STK33: variants seen among roughly 807,000 people sequenced by gnomAD.
The protein encoded by STK33 is serine/threonine-protein kinase 33.
A neutral mutation model predicts 58.0 loss-of-function variants in STK33; 52 were observed. The observed-to-expected ratio is 0.90, with a 90% CI of 0.72 to 1.13. The LOEUF (loss-of-function observed/expected upper bound fraction) is 1.13, where lower values mean the gene tolerates loss of function less well. Among genes scored for constraint, STK33 ranks in the 50% most tolerant of loss-of-function variants. The probability of loss-of-function intolerance (pLI) is 0.00; values close to 1 mark genes in which losing one functional copy is unlikely to be tolerated. For missense variants in STK33, 630 were observed against 604.2 expected, an observed-to-expected ratio of 1.04 and a Z score of -0.45; for synonymous variants, 215 against 200.1, an observed-to-expected ratio of 1.07 and a Z score of -0.63.
At chr11:8,518,361 C>T (rs1565250780) in intron 1 of STK33, among the ~76,000 whole-genome samples, 1 of 152,180 alleles carries the variant, frequency 6.6e-6, no homozygotes, top group Non-Finnish European at 1.5e-5. Flanking sequence ...TGGAAAGGAA[C>T]AACCGGTACC....
chr11:8,517,111 C>T lies in STK33; in HGVS notation c.-465-36497G>A, dbSNP rs569966770. On this transcript the variant is annotated intron_variant, in intron 1 of 15. Transcript: ENST00000687296. Reference sequence around the variant, plus strand: ...GGGGCCAACTGATACCTCATACAGCCGGGTGCCCCTCTGAGACAAAGCTTC... The same window carrying T: ...GGGGCCAACTGATACCTCATACAGCTGGGTGCCCCTCTGAGACAAAGCTTC... 2.6e-5 allele frequency among the ~76,000 whole-genome samples: 4 copies of T among 152,282 alleles called. No individual in the cohort carries two copies. In the East Asian group the frequency reaches 7.7e-4, roughly 29 times the overall value.
intron 1 of STK33, among the ~76,000 whole-genome samples, chr11:8,484,152 A>G (rs1431740663): frequency 6.6e-6 from 1 of 152,180 alleles, no homozygotes; most frequent in African/African-American, 2.4e-5. Context: ...CCAACACTCA[A>G]ATTCCTCCCT....
At chr11:8,514,802 T>C (rs896901123) in intron 1 of STK33, among the ~76,000 whole-genome samples, 3 of 152,178 alleles carry the variant, frequency 2.0e-5, no homozygotes, top group African/African-American at 7.2e-5. Flanking sequence ...AACAATTTAA[T>C]TTTTTTAAAA....
chr11:8,423,843 T>C (rs1271447742), intron 14 of STK33, among the ~76,000 whole-genome samples: 11 of 152,060 alleles, frequency 7.2e-5, no homozygotes, highest in Admixed American at 7.2e-4. Context: ...CCATGCAATG[T>C]TGTCAATTTT....
At chr11:8,385,490 T>G in the STK33 span, among the ~76,000 whole-genome samples, 1 of 152,194 alleles carries the variant, frequency 6.6e-6, no homozygotes, top group African/African-American at 2.4e-5. Context: ...CTTCCCACGG[T>G]TGGCTTCCTT....
At chr11:8,364,516 T>C in the STK33 span, among the ~76,000 whole-genome samples, 2 of 152,218 alleles carry the variant, frequency 1.3e-5, no homozygotes, top group East Asian at 3.8e-4. Context: ...ATGTATCTGC[T>C]ATTGATGGAG....
chr11:8,570,152 T>C (rs1001244028), intron 1 of STK33, among the ~76,000 whole-genome samples: 3 of 152,114 alleles, frequency 2.0e-5, no homozygotes, highest in South Asian at 2.1e-4. Context: ...GTTCAATTAA[T>C]AGATAAAATT....
intron 11 of STK33, among the ~76,000 whole-genome samples, chr11:8,443,651 T>C (rs1226737389): frequency 6.7e-6 from 1 of 150,234 alleles, no homozygotes; most frequent in African/African-American, 2.4e-5. Context: ...CTCCAATGCA[T>C]TTCATAGAAA....
At chr11:8,571,939 TAAATTA>T (rs1225375656) in intron 1 of STK33, among the ~76,000 whole-genome samples, 3 of 150,126 alleles carry the variant, frequency 2.0e-5, no homozygotes, top group East Asian at 1.9e-4. Flanking sequence ...TTAAAAAATT[TAAATTA>T]AAATTAAATT....
chr11:8,370,475 G>A, the STK33 span, among the ~76,000 whole-genome samples: 1 of 152,096 alleles, frequency 6.6e-6, no homozygotes, highest in Admixed American at 6.6e-5. Context: ...GAGATTACAG[G>A]CACGATCCAC....
At chr11:8,516,271 C>T (rs900640751) in intron 1 of STK33, among the ~76,000 whole-genome samples, 1 of 152,144 alleles carries the variant, frequency 6.6e-6, no homozygotes, top group African/African-American at 2.4e-5. Flanking sequence ...AGTCAACTGA[C>T]CTTCAACAAA....
At chr11:8,556,728 C>A (rs1565356906) in intron 1 of STK33, among the ~76,000 whole-genome samples, 1 of 152,150 alleles carries the variant, frequency 6.6e-6, no homozygotes, top group Non-Finnish European at 1.5e-5. Flanking sequence ...TAATTAAAGT[C>A]TATTTCCCCC....
At position 8,528,468 on chromosome 11, in the gene STK33, G is replaced by C. The variant is rs554558504; in HGVS notation, c.-465-47854C>G. ...CCACTGGTAACTGCTGCTAATCCAA[G>C]CATATACTCAGGGCAACTTCAATCT... On this transcript the variant is annotated intron_variant, in intron 1 of 15. Coordinates refer to ENST00000687296, the MANE Select transcript of STK33 (RefSeq NM_001352389.2). Among the ~76,000 whole-genome samples the C allele has an allele frequency of 1.7e-3, 258 of 152,164 alleles. 2 individuals are homozygous for C. The highest frequency in any genetic ancestry group is 3.1e-3 in the Non-Finnish European group (210 of 68,032).
the STK33 span, among the ~76,000 whole-genome samples, chr11:8,371,288 C>T: frequency 1.4e-4 from 22 of 152,032 alleles, no homozygotes; most frequent in Middle Eastern, 3.4e-3. Flanking sequence ...GAGGAGGGAC[C>T]ACCCAGAGAG....
the STK33 span, among the ~76,000 whole-genome samples, chr11:8,374,799 C>T: frequency 1.3e-5 from 2 of 152,272 alleles, no homozygotes; most frequent in African/African-American, 2.4e-5. Flanking sequence ...TCAATTACCT[C>T]GCTGTTCTTT....
At chr11:8,591,381 A>C (rs767828289) in intron 1 of STK33, among the ~76,000 whole-genome samples, 2 of 152,210 alleles carry the variant, frequency 1.3e-5, no homozygotes, top group African/African-American at 2.4e-5. Flanking sequence ...TGGTCTCTTC[A>C]TGGGAAGGAC....
At chr11:8,394,302 T>C (rs7114156) in intron 15 of STK33, among the ~76,000 whole-genome samples, 30,035 of 152,170 alleles carry the variant, frequency 0.2, 3,409 homozygotes, top group African/African-American at 0.3. Flanking sequence ...CTCTAAGATA[T>C]ACACCCTATC....
At chr11:8,515,914 A>G (rs1952739619) in intron 1 of STK33, among the ~76,000 whole-genome samples, 3 of 152,238 alleles carry the variant, frequency 2.0e-5, no homozygotes, top group Admixed American at 1.3e-4. Flanking sequence ...TGAAAGCTTT[A>G]TAAGATCTGG....
chr11:8,336,663 CT>C, the STK33 span, among the ~76,000 whole-genome samples: 1 of 152,254 alleles, frequency 6.6e-6, no homozygotes, highest in African/African-American at 2.4e-5. Context: ...AGCCCTTCCC[CT>C]TTTTCTGCAG....
Sources: gnomAD v4.1 joint callset for allele counts (sites outside exome capture counted in the v4.1 genomes callset) on GRCh38, gnomAD v4.1.1 for gene constraint, MANE v1.5 for transcripts, NCBI Gene and HGNC (gene_info 2026-07-23, HGNC 2026-07-21) for gene names.